ZEB1: variants seen among roughly 807,000 people sequenced by gnomAD.
The protein encoded by ZEB1 is zinc finger E-box-binding homeobox 1.
Under a neutral mutation model 84.9 loss-of-function variants are expected in ZEB1, and 21 were observed. The observed-to-expected ratio is 0.25, with a 90% CI of 0.18 to 0.36. ZEB1 has a LOEUF of 0.36. Among genes scored for constraint, ZEB1 ranks in the 10% least tolerant of loss-of-function variants. ZEB1 has a pLI of 1.00. For synonymous variants in ZEB1, 420 were observed against 471.1 expected (o/e 0.89, Z 1.41); for missense variants, 1,104 against 1,330.2 (o/e 0.83, Z 2.65).
chr10:31,345,675 G>A (rs1453937700), intron 1 of ZEB1, among the ~76,000 whole-genome samples: 2 of 152,060 alleles, frequency 1.3e-5, no homozygotes, highest in African/African-American at 2.4e-5. Context: ...GGAGAATGGT[G>A]AACAGGAGGC....
chr10:31,463,092 G>C (rs1255128905), intron 2 of ZEB1, among the ~76,000 whole-genome samples: 3 of 151,992 alleles, frequency 2.0e-5, no homozygotes, highest in Non-Finnish European at 4.4e-5. Context: ...TTGGAGCAAG[G>C]GTTTCTTATG....
At chr10:31,321,801 CA>C in intron 1 of ZEB1, 1 of 507,070 alleles carries the variant, frequency 2.0e-6, no homozygotes, top group Non-Finnish European at 3.6e-6. Flanking sequence ...TACTTGAAAT[CA>C]ACAGGAAAGA....
intron 1 of ZEB1, among the ~76,000 whole-genome samples, chr10:31,397,758 T>C (rs1163174303): frequency 6.6e-6 from 1 of 152,202 alleles, no homozygotes; most frequent in African/African-American, 2.4e-5. Flanking sequence ...AAAAGGAGAA[T>C]ATGCAACAGA....
In ZEB1 at chr10:31,418,868, C is replaced by G. The variant is rs535553158; in HGVS notation, c.59-42169C>G. Among the ~76,000 whole-genome samples the G allele has an allele frequency of 2.0e-5, 3 of 152,098 alleles. No individual in the cohort carries two copies. The East Asian group carries it at 5.8e-4, about 29-fold the overall frequency. On this transcript the variant is annotated intron_variant, in intron 1 of 8. Coordinates refer to ENST00000424869, the MANE Select transcript of ZEB1 (RefSeq NM_001174096.2). ...ACTTGTTGAGTGCCAATATGATGCT[C>G]AAAGGAAATGCTCAGTGGAACATTT...
At position 31,510,792 on chromosome 10, in the gene ZEB1, A is replaced by T. The variant is rs1394723254; in HGVS notation, c.604A>T (p.Ser202Cys). Residue 202 changes from serine (S) to cysteine (C), a missense_variant, in exon 5 of 9, where the codon AGT (serine) becomes TGT (cysteine). Coordinates refer to ENST00000424869, the MANE Select transcript of ZEB1 (RefSeq NM_001174096.2). ...YRHEKNEDNF[S>C]CSLCSYTFAY... ...TCATGAAAAGAATGAAGATAACTTTAGTTGCTCCCTGTGCAGTTACACCTT... is the reference window on the plus strand; with the variant it reads ...TCATGAAAAGAATGAAGATAACTTTTGTTGCTCCCTGTGCAGTTACACCTT... The T allele has an allele frequency of 2.5e-6, 4 of 1,613,992 alleles. No individual in the cohort carries two copies. Among genetic ancestry groups the T allele is most frequent in the Non-Finnish European group, 3.4e-6 (4 of 1,179,920 alleles).
intron 1 of ZEB1, among the ~76,000 whole-genome samples, chr10:31,390,753 G>GT (rs2049496676): frequency 6.6e-6 from 1 of 152,132 alleles, no homozygotes; most frequent in African/African-American, 2.4e-5. Flanking sequence ...TTCGTTACAA[G>GT]TATTTAAGTA....
intron 1 of ZEB1, among the ~76,000 whole-genome samples, chr10:31,340,927 A>G (rs996361408): frequency 1.1e-4 from 16 of 152,192 alleles, no homozygotes; most frequent in African/African-American, 3.9e-4. Flanking sequence ...CATGGGTGAG[A>G]AACAACATGG....
intron 2 of ZEB1, among the ~76,000 whole-genome samples, chr10:31,485,985 A>G (rs1401555676): frequency 2.0e-5 from 3 of 151,926 alleles, no homozygotes; most frequent in Non-Finnish European, 4.4e-5. Context: ...AACATGAAAC[A>G]TAATCTGTGT....
intron 1 of ZEB1, among the ~76,000 whole-genome samples, chr10:31,410,465 C>CT (rs893567921): frequency 6.6e-5 from 10 of 152,054 alleles, no homozygotes; most frequent in African/African-American, 2.4e-4. Flanking sequence ...CTGAAATTCT[C>CT]TTTTTTTGTT....
chr10:31,503,870 A>G (rs1288911991), intron 4 of ZEB1, among the ~76,000 whole-genome samples: 1 of 152,016 alleles, frequency 6.6e-6, no homozygotes, highest in East Asian at 1.9e-4. Context: ...TTCTTTTAAG[A>G]AATGTTTATT....
At chr10:31,337,367 C>T (rs1564505327) in intron 1 of ZEB1, among the ~76,000 whole-genome samples, 4 of 151,396 alleles carry the variant, frequency 2.6e-5, no homozygotes, top group African/African-American at 4.9e-5. Flanking sequence ...TAAAAAAAAA[C>T]GATGGTGGAA....
intron 1 of ZEB1, among the ~76,000 whole-genome samples, chr10:31,455,366 T>A (rs541280186): frequency 6.6e-6 from 1 of 152,134 alleles, no homozygotes; most frequent in East Asian, 1.9e-4. Context: ...AGACTTCATA[T>A]CTAAAACACC....
chr10:31,403,003 A>T (rs2052349300), intron 1 of ZEB1, among the ~76,000 whole-genome samples: 1 of 152,154 alleles, frequency 6.6e-6, no homozygotes, highest in Non-Finnish European at 1.5e-5. Flanking sequence ...AAAGAAATTC[A>T]GTACAAATAT....
intron 2 of ZEB1, among the ~76,000 whole-genome samples, chr10:31,463,311 C>A (rs779568892): frequency 3.3e-5 from 5 of 152,118 alleles, no homozygotes; most frequent in African/African-American, 1.2e-4. Context: ...CTGAAAACAA[C>A]TAATGGTGCT....
chr10:31,520,122 T>C lies in ZEB1; in HGVS notation c.794-4T>C. 3 of 1,613,442 alleles carry C rather than the reference T, an allele frequency of 1.9e-6. No homozygotes were observed. The highest frequency in any genetic ancestry group is 2.5e-6 in the Non-Finnish European group (3 of 1,179,748). On this transcript the variant is annotated splice_polypyrimidine_tract_variant and splice_region_variant and intron_variant, in intron 6 of 8. Transcript: ENST00000424869. This position sits in a 1 kb window ranked among gnomAD's most constrained non-coding sequence, Gnocchi z 5.1. ...GAATATAATTTGTTTGTTTGTTTGT[T>C]TAGGAGAGAAGCCATATGAATGCCC...
At chr10:31,347,067 C>A (rs1414849945) in intron 1 of ZEB1, among the ~76,000 whole-genome samples, 1 of 151,996 alleles carries the variant, frequency 6.6e-6, no homozygotes, top group Admixed American at 6.6e-5. Context: ...ATAATGAGGA[C>A]CTTGAAGTTT....
At chr10:31,449,123 T>C (rs1016978221) in intron 1 of ZEB1, among the ~76,000 whole-genome samples, 1 of 152,242 alleles carries the variant, frequency 6.6e-6, no homozygotes, top group Non-Finnish European at 1.5e-5. Context: ...TGGTGCGCCA[T>C]TTTTTAAGCC....
chr10:31,382,502 G>A (rs1359497659), intron 1 of ZEB1, among the ~76,000 whole-genome samples: 1 of 152,116 alleles, frequency 6.6e-6, no homozygotes, highest in African/African-American at 2.4e-5. Flanking sequence ...TCTTTCCTAA[G>A]AGAGGGGCAC....
intron 1 of ZEB1, among the ~76,000 whole-genome samples, chr10:31,419,547 A>G (rs2055793203): frequency 6.6e-6 from 1 of 152,172 alleles, no homozygotes; most frequent in African/African-American, 2.4e-5. Context: ...TATCCGCCAC[A>G]TAGTGGGCAC....
Sources: allele counts gnomAD v4.1 joint callset (sites outside exome capture counted in the v4.1 genomes callset), GRCh38; gene constraint gnomAD v4.1.1; non-coding constraint Gnocchi (gnomAD v3.1); transcripts MANE v1.5; gene names NCBI Gene and HGNC (gene_info 2026-07-23, HGNC 2026-07-21).